CALN1: variants seen among roughly 807,000 people sequenced by gnomAD.
CALN1 encodes the protein calcium-binding protein 8.
A neutral mutation model predicts 30.6 loss-of-function variants in CALN1; 17 were observed. The ratio of observed to expected loss-of-function variants is 0.56; its 90% CI spans 0.38 to 0.83. The LOEUF (loss-of-function observed/expected upper bound fraction) is 0.83, where lower values mean the gene tolerates loss of function less well. CALN1 is among the 40% of genes least tolerant of loss of function. The pLI is 0.00. For synonymous variants in CALN1, 156 were observed against 131.4 expected (o/e 1.19, Z -1.28); for missense variants, 291 against 354.9 (o/e 0.82, Z 1.45).
chr7:71,965,532 A>C (rs1255967662), intron 5 of CALN1, among the ~76,000 whole-genome samples: 2 of 152,166 alleles, frequency 1.3e-5, no homozygotes, highest in Admixed American at 6.6e-5. Context: ...CATTCTACAA[A>C]GAAGGGCTTC....
chr7:72,057,721 GAA>G lies in CALN1; in HGVS notation c.389-33954_389-33953del, dbSNP rs71531782. Among the ~76,000 whole-genome samples the G allele has an allele frequency of 7.7e-4, 116 of 150,374 alleles. 2 individuals carry two copies. Among genetic ancestry groups the G allele is most frequent in the Admixed American group, 6.8e-3 (103 of 15,096 alleles). On this transcript the variant is annotated intron_variant, in intron 4 of 6. Coordinates refer to ENST00000395275, the MANE Select transcript of CALN1 (RefSeq NM_031468.4). ...ATAATGAGTGTAGAAGACTTATTGG[GAA>G]AAAAAAACCTCTTCATAATAAAATT...
chr7:72,237,755 T>C (rs1794563038), intron 3 of CALN1, among the ~76,000 whole-genome samples: 1 of 152,142 alleles, frequency 6.6e-6, no homozygotes, highest in African/African-American at 2.4e-5. Context: ...CCTTCCTTCT[T>C]CTAGCCCCTT....
intron 2 of CALN1, among the ~76,000 whole-genome samples, chr7:72,384,998 T>A (rs1290599179): frequency 6.6e-6 from 1 of 151,980 alleles, no homozygotes; most frequent in Admixed American, 6.6e-5. Context: ...GTCAAAAAAT[T>A]TGAACATACT....
intron 5 of CALN1, among the ~76,000 whole-genome samples, chr7:71,851,278 T>C (rs1480366070): frequency 1.4e-5 from 2 of 146,142 alleles, no homozygotes; most frequent in Non-Finnish European, 3.0e-5. Context: ...CTGGGTGCAG[T>C]AGGAGGCCGA....
intron 5 of CALN1, among the ~76,000 whole-genome samples, chr7:71,856,479 G>A (rs1320561868): frequency 1.3e-5 from 2 of 151,876 alleles, no homozygotes; most frequent in African/African-American, 2.4e-5. Context: ...ATATTTTAGA[G>A]TCAAAGATGT....
chr7:71,864,737 C>G (rs576237315), intron 5 of CALN1, among the ~76,000 whole-genome samples: 1 of 152,306 alleles, frequency 6.6e-6, no homozygotes, highest in Admixed American at 6.5e-5. Context: ...TGTGGTAGCT[C>G]ACGCCTGTAA....
At chr7:72,090,082 G>A (rs1805750271) in intron 4 of CALN1, among the ~76,000 whole-genome samples, 1 of 152,184 alleles carries the variant, frequency 6.6e-6, no homozygotes, top group Non-Finnish European at 1.5e-5. Flanking sequence ...CAGATCGCTG[G>A]AGGTCAGGAG....
At chr7:72,012,683 C>T (rs1800150578) in intron 5 of CALN1, among the ~76,000 whole-genome samples, 2 of 152,204 alleles carry the variant, frequency 1.3e-5, no homozygotes, top group South Asian at 4.1e-4. Context: ...GCAGCCTCTG[C>T]AGCAGAGGGT....
chr7:72,071,077 C>T (rs1459816792), intron 4 of CALN1, among the ~76,000 whole-genome samples: 3 of 152,202 alleles, frequency 2.0e-5, no homozygotes, highest in African/African-American at 7.2e-5. Context: ...TTGCAACTTC[C>T]AGGGAAAGGC....
Position 72,287,132 on chromosome 7 carries a change from T to C in CALN1, c.120-8322A>G, listed in dbSNP as rs546319204. 1.1e-4 allele frequency among the ~76,000 whole-genome samples: 17 copies of C among 152,300 alleles called. No homozygotes were observed. The South Asian group carries it at 3.1e-3, about 28-fold the overall frequency. Reference sequence around the variant, plus strand: ...CCATGTACCCACCACCCAGATTTAATGATATTTTGCCTTCTTTGCTTATTT... The same window carrying C: ...CCATGTACCCACCACCCAGATTTAACGATATTTTGCCTTCTTTGCTTATTT... On this transcript the variant is annotated intron_variant, in intron 2 of 6. Coordinates refer to ENST00000395275, the MANE Select transcript of CALN1 (RefSeq NM_031468.4).
the CALN1 span, among the ~76,000 whole-genome samples, chr7:72,498,447 C>A: frequency 6.6e-6 from 1 of 151,746 alleles, no homozygotes; most frequent in Admixed American, 6.6e-5. Context: ...AGACACATTA[C>A]ATACAAGGAA....
At chr7:72,021,069 G>A (rs1421004227) in intron 5 of CALN1, among the ~76,000 whole-genome samples, 1 of 152,040 alleles carries the variant, frequency 6.6e-6, no homozygotes, top group Non-Finnish European at 1.5e-5. Context: ...CTAGGAGTTT[G>A]AGACCAGCCT....
At chr7:72,460,872 C>A in the CALN1 span, among the ~76,000 whole-genome samples, 1 of 152,138 alleles carries the variant, frequency 6.6e-6, no homozygotes, top group African/African-American at 2.4e-5. Context: ...TGCTTCCCCC[C>A]ACGGCAGGAC....
At chr7:72,385,066 C>T (rs879603028) in intron 2 of CALN1, among the ~76,000 whole-genome samples, 14 of 152,142 alleles carry the variant, frequency 9.2e-5, no homozygotes, top group South Asian at 2.1e-4. Flanking sequence ...TGCTCAACAG[C>T]GCTCGTCATA....
At chr7:72,243,121 T>A (rs1288015579) in intron 3 of CALN1, among the ~76,000 whole-genome samples, 2 of 152,160 alleles carry the variant, frequency 1.3e-5, no homozygotes, top group Non-Finnish European at 2.9e-5. Context: ...AAGTGGGACC[T>A]CTGAGAGGTA....
At chr7:72,381,516 T>G (rs1804898995) in intron 2 of CALN1, among the ~76,000 whole-genome samples, 1 of 152,152 alleles carries the variant, frequency 6.6e-6, no homozygotes, top group South Asian at 2.1e-4. Context: ...TAAAAAAGAA[T>G]GAGTTCATTT....
chr7:72,492,873 C>T, the CALN1 span, among the ~76,000 whole-genome samples: 1 of 152,202 alleles, frequency 6.6e-6, no homozygotes, highest in Non-Finnish European at 1.5e-5. Context: ...GTTCGATCCT[C>T]AGAAAATCGT....
At chr7:72,469,554 G>A in the CALN1 span, among the ~76,000 whole-genome samples, 6 of 152,062 alleles carry the variant, frequency 3.9e-5, no homozygotes, top group South Asian at 2.1e-4. Flanking sequence ...ACACCACCAC[G>A]TCCAGCTCAT....
At chr7:72,185,198 G>C (rs1424055352) in intron 3 of CALN1, among the ~76,000 whole-genome samples, 1 of 152,030 alleles carries the variant, frequency 6.6e-6, no homozygotes, top group Admixed American at 6.6e-5. Flanking sequence ...CACCCAAAGA[G>C]TCCAAGCGTA....
Sources: gnomAD v4.1 joint callset for allele counts (sites outside exome capture counted in the v4.1 genomes callset) on GRCh38, gnomAD v4.1.1 for gene constraint, MANE v1.5 for transcripts, NCBI Gene and HGNC (gene_info 2026-07-23, HGNC 2026-07-21) for gene names.